TRIM14: variants seen among roughly 807,000 people sequenced by gnomAD.
TRIM14 encodes the protein tripartite motif-containing protein 14.
TRIM14 carries 28 observed loss-of-function variants against 44.5 expected under a neutral mutation model. That is an observed-to-expected ratio of 0.63 (90% CI 0.47 to 0.86). The LOEUF (loss-of-function observed/expected upper bound fraction) is 0.86, where lower values mean the gene tolerates loss of function less well. Ranked by LOEUF, TRIM14 falls within the 40% of genes least tolerant of loss-of-function variation. The pLI is 0.00. For synonymous variants in TRIM14, 299 were observed against 269.2 expected, an observed-to-expected ratio of 1.11 and a Z score of -1.08; for missense variants, 607 against 611.1, an observed-to-expected ratio of 0.99 and a Z score of 0.07.
chr9:98,113,963 C>A (rs995537165), intron 1 of TRIM14, among the ~76,000 whole-genome samples: 6 of 152,008 alleles, frequency 3.9e-5, no homozygotes, highest in Non-Finnish European at 7.4e-5. Context: ...TGTTTTAAAC[C>A]TTTAATATTT....
Position 98,087,602 on chromosome 9 carries a change from G to A in TRIM14, c.1197C>T (p.Ala399=). Residue 399 remains alanine (A), a synonymous_variant, in exon 6 of 6, where the codon GCC becomes GCT. Coordinates refer to ENST00000341469, the MANE Select transcript of TRIM14 (RefSeq NM_014788.4). ...TCACGTCGTAGAAGGCGAGGACGCC[G>A]GCCTCGTAGTCCAGGAAGACGCCGA... ...DRLGVFLDYE[A]GVLAFYDVTG... The A allele has an allele frequency of 1.2e-6, 2 of 1,600,204 alleles. No individual in the cohort carries two copies. The highest frequency in any genetic ancestry group is 1.7e-6 in the Non-Finnish European group (2 of 1,176,764).
chr9:98,095,167 C>T lies in TRIM14; in HGVS notation c.538-138G>A. On this transcript the variant is annotated intron_variant, in intron 3 of 5. Coordinates refer to ENST00000341469, the MANE Select transcript of TRIM14 (RefSeq NM_014788.4). The surrounding 1 kb of genome is among the most constrained non-coding windows in gnomAD (Gnocchi z 4.1). ...CCTGGCACCTATGGTCAGCCCAGGC[C>T]ATGCCTGCAGGAGCAGAGCCCTGGA... 1 of 1,109,532 alleles carries T rather than the reference C, an allele frequency of 9.0e-7. No homozygotes were observed. The highest frequency in any genetic ancestry group is 1.3e-6 in the Non-Finnish European group (1 of 798,988). 68.7% of individuals were successfully genotyped at this position (1,109,532 alleles called of 1,614,324 possible).
rs1587942640 is a variant in TRIM14, at chr9:98,087,988, G to A, written c.811C>T (p.Leu271=). Reference sequence around the variant, plus strand: ...CGCGCGTGCATCGTGTCAGGATCCAGCGTGGGCGTGCGCGCGTCTGCAGGG... The same window carrying A: ...CGCGCGTGCATCGTGTCAGGATCCAACGTGGGCGTGCGCGCGTCTGCAGGG... ...LLLKYARTPT[L]DPDTMHARLR... Residue 271 remains leucine (L), a synonymous_variant, in exon 6 of 6, where the codon CTG becomes TTG. Coordinates refer to ENST00000341469, the MANE Select transcript of TRIM14 (RefSeq NM_014788.4). The A allele has an allele frequency of 1.3e-6, 2 of 1,550,206 alleles. No individual in the cohort carries two copies. The highest frequency in any genetic ancestry group is 1.7e-6 in the Non-Finnish European group (2 of 1,160,360).
chr9:98,065,651 T>C (rs1829125658), downstream of TRIM14, among the ~76,000 whole-genome samples: 1 of 151,734 alleles, frequency 6.6e-6, no homozygotes, highest in South Asian at 2.1e-4. Context: ...TTTTTTTTTT[T>C]TCCCCCTGGA....
the TRIM14 span, among the ~76,000 whole-genome samples, chr9:98,047,295 C>T: frequency 1.3e-5 from 2 of 152,274 alleles, no homozygotes; most frequent in African/African-American, 2.4e-5. Flanking sequence ...TCCCCCACCA[C>T]GTGGAACTGT....
chr9:98,049,080 G>T, the TRIM14 span, among the ~76,000 whole-genome samples: 3 of 151,636 alleles, frequency 2.0e-5, no homozygotes, highest in Non-Finnish European at 2.9e-5. Flanking sequence ...GGTGGCTCAT[G>T]CCTGTAATCC....
chr9:98,078,563 C>T (rs571727783), intron 6 of TRIM14, among the ~76,000 whole-genome samples: 4 of 152,052 alleles, frequency 2.6e-5, no homozygotes, highest in African/African-American at 4.8e-5. Context: ...TGGCCAGGCG[C>T]GGTGGGTCAT....
At position 98,096,293 on chromosome 9, in the gene TRIM14, G is replaced by T. The variant is rs535035055; in HGVS notation, c.538-1264C>A. Among the ~76,000 whole-genome samples the T allele has an allele frequency of 3.3e-5, 5 of 152,304 alleles. No homozygotes were observed. The East Asian group carries it at 9.7e-4, about 29-fold the overall frequency. On this transcript the variant is annotated intron_variant, in intron 3 of 5. Coordinates refer to ENST00000341469, the MANE Select transcript of TRIM14 (RefSeq NM_014788.4). ...GTCTATAGAGTCCAACCTCATTTTGGTGGGGAACCAGGCCTAAGGTCACAC... is the reference window on the plus strand; with the variant it reads ...GTCTATAGAGTCCAACCTCATTTTGTTGGGGAACCAGGCCTAAGGTCACAC...
the TRIM14 span, among the ~76,000 whole-genome samples, chr9:98,051,964 C>T: frequency 2.8e-4 from 42 of 152,178 alleles, no homozygotes; most frequent in African/African-American, 9.6e-4. Context: ...TTGATCCAAG[C>T]GTGCAAAGAG....
At chr9:98,084,154 A>G (rs979707088), downstream of TRIM14, among the ~76,000 whole-genome samples, 1 of 152,076 alleles carries the variant, frequency 6.6e-6, no homozygotes, top group African/African-American at 2.4e-5. Flanking sequence ...CTCAAGAGAC[A>G]GAAGAGTCAG....
In TRIM14 at chr9:98,087,645, C is replaced by G; in HGVS notation, c.1154G>C (p.Arg385Pro). Reference sequence around the variant, plus strand: ...GACGCCGAGCCGGTCGAGGTCGTCGCGGGGCCGCAGGCGGCTGCGCTGGCC... The same window carrying G: ...GACGCCGAGCCGGTCGAGGTCGTCGGGGGGCCGCAGGCGGCTGCGCTGGCC... ...HDGQRSRLRP[R>P]DDLDRLGVFL... is the part of the protein sequence containing the mutation. Residue 385 changes from arginine to proline, a missense_variant, in exon 6 of 6, where the codon CGC becomes CCC. Physicochemically the swap from Arg to Pro is moderately radical, Grantham distance 103. Around this residue, in one of 3 missense-constraint regions of TRIM14, gnomAD observed 356 missense variants for 323.0 expected, o/e 1.10. Coordinates refer to ENST00000341469, the MANE Select transcript of TRIM14 (RefSeq NM_014788.4). 1 of 1,604,766 alleles carries G rather than the reference C, an allele frequency of 6.2e-7. No homozygotes were observed. The highest frequency in any genetic ancestry group is 8.5e-7 in the Non-Finnish European group (1 of 1,178,574).
downstream of TRIM14, chr9:98,082,768 G>A: frequency 7.2e-7 from 1 of 1,392,352 alleles, no homozygotes; most frequent in East Asian, 2.5e-5. Flanking sequence ...GACTGATCAG[G>A]GACCTTGAGT....
At chr9:98,103,539 CAAT>C (rs1826480750) in intron 2 of TRIM14, among the ~76,000 whole-genome samples, 1 of 151,700 alleles carries the variant, frequency 6.6e-6, no homozygotes, top group African/African-American at 2.4e-5. Context: ...ATTATTTATA[CAAT>C]TAAAAAAACA....
At position 98,086,705 on chromosome 9, in the gene TRIM14, T is replaced by A. The variant is rs896574021; in HGVS notation, c.*765A>T. On this transcript the variant is annotated 3_prime_UTR_variant, in exon 6 of 6. Coordinates refer to ENST00000341469, the MANE Select transcript of TRIM14 (RefSeq NM_014788.4). ...GCAGAGAGGTGTGGAGGTGGAACTA[T>A]GCGACACATTTCTGACTGGAGAGTC... 6.6e-6 allele frequency: 1 copy of A among 152,310 alleles called. No individual in the cohort carries two copies. The highest frequency in any genetic ancestry group is 1.5e-5 in the Non-Finnish European group (1 of 68,132). The allele number at this position is 152,310 out of a possible 1,614,324, so 9.4% of individuals were successfully genotyped here.
chr9:98,069,280 CT>C (rs1235961511), exon 7 of TRIM14: 20 of 144,524 alleles, frequency 1.4e-4, no homozygotes, highest in Non-Finnish European at 1.1e-4. Context: ...AACTATTTTT[CT>C]TTTTTTTTTT....
At chr9:98,092,535 A>G (rs1368905812) in intron 4 of TRIM14, 1 of 426,316 alleles carries the variant, frequency 2.3e-6, no homozygotes, top group East Asian at 7.4e-5. Context: ...CACTCCCAGC[A>G]CTCATCACAG....
chr9:98,111,508 A>G (rs1826853619), intron 1 of TRIM14, among the ~76,000 whole-genome samples: 1 of 152,212 alleles, frequency 6.6e-6, no homozygotes, highest in Non-Finnish European at 1.5e-5. Flanking sequence ...CACAGGCTAT[A>G]GAAATGATTA....
chr9:98,081,474 CCT>C (rs1267021690), downstream of TRIM14: 1 of 183,804 alleles, frequency 5.4e-6, no homozygotes, highest in African/African-American at 2.4e-5. Flanking sequence ...CACGGTGTTC[CCT>C]GAGGTACCAG....
At chr9:98,063,720 A>T in the TRIM14 span, among the ~76,000 whole-genome samples, 1 of 150,822 alleles carries the variant, frequency 6.6e-6, no homozygotes. Flanking sequence ...TAAAAAAAAA[A>T]TTTATAGAGA....
Sources: gnomAD v4.1 joint callset for allele counts (sites outside exome capture counted in the v4.1 genomes callset) on GRCh38, gnomAD v4.1.1 for gene constraint, gnomAD v4.1.1 regional missense constraint, Gnocchi (gnomAD v3.1) non-coding constraint, MANE v1.5 for transcripts, NCBI Gene and HGNC (gene_info 2026-07-23, HGNC 2026-07-21) for gene names.